Variants in FRMD4B observed in about 807,000 individuals in gnomAD.
FRMD4B encodes FERM domain containing 4B.
A neutral mutation model predicts 141.5 loss-of-function variants in FRMD4B; 74 were observed. That is an observed-to-expected ratio of 0.52 (90% CI 0.43 to 0.63). FRMD4B has a LOEUF of 0.63. Ranked by LOEUF, FRMD4B falls within the 30% of genes least tolerant of loss-of-function variation. The pLI is 0.00. For missense variants in FRMD4B, 1,366 were observed against 1,253.4 expected (o/e 1.09, Z -1.36); for synonymous variants, 506 against 467.9 (o/e 1.08, Z -1.05).
intron 1 of FRMD4B, among the ~76,000 whole-genome samples, chr3:69,364,807 CA>C (rs1247374769): frequency 6.6e-6 from 1 of 151,422 alleles, no homozygotes; most frequent in Non-Finnish European, 1.5e-5. Context: ...GCATCTAAGA[CA>C]AAAAAGAAAA....
At chr3:69,427,120 G>T (rs376056313) in intron 2 of FRMD4B, among the ~76,000 whole-genome samples, 136 of 152,066 alleles carry the variant, frequency 8.9e-4, no homozygotes, top group Middle Eastern at 3.4e-3. Flanking sequence ...GGGGAAAACT[G>T]ACCTCTGGTG....
intron 1 of FRMD4B, among the ~76,000 whole-genome samples, chr3:69,525,955 G>A (rs1029365878): frequency 3.3e-5 from 5 of 151,946 alleles, no homozygotes; most frequent in African/African-American, 4.8e-5. Flanking sequence ...CACCATGCTC[G>A]GCCTGTTTCT....
chr3:69,250,290 C>CGTGTGTGTGTGT lies in FRMD4B; in HGVS notation c.502-203_502-192dup, dbSNP rs10526962. The CGTGTGTGTGTGT allele has an allele frequency of 4.2e-3, 1,738 of 418,682 alleles. 27 individuals are homozygous for CGTGTGTGTGTGT. Among genetic ancestry groups the CGTGTGTGTGTGT allele is most frequent in the Admixed American group, 0.023 (581 of 25,542 alleles). The allele number at this position is 418,682 out of a possible 1,614,324, so 25.9% of individuals were successfully genotyped here. On this transcript the variant is annotated intron_variant, in intron 5 of 22. Coordinates refer to ENST00000398540, the MANE Select transcript of FRMD4B (RefSeq NM_015123.3). ...GGTTAAGGCGAAACCACTGTGTGTG[C>CGTGTGTGTGTGT]GTGTGTGTGTGTGTGTGTGTGTGTG... is the stretch of plus-strand genomic sequence containing the variant.
At chr3:69,294,538 T>G (rs1700978726) in intron 4 of FRMD4B, among the ~76,000 whole-genome samples, 1 of 152,218 alleles carries the variant, frequency 6.6e-6, no homozygotes, top group South Asian at 2.1e-4. Flanking sequence ...CCAGGAATGC[T>G]CTTCCTCATT....
intron 1 of FRMD4B, among the ~76,000 whole-genome samples, chr3:69,363,752 G>A (rs1458574199): frequency 6.6e-6 from 1 of 152,144 alleles, no homozygotes; most frequent in Non-Finnish European, 1.5e-5. Context: ...GACCAGAGCT[G>A]GGTCCTATGT....
chr3:69,214,956 T>C (rs1432518637), intron 11 of FRMD4B, among the ~76,000 whole-genome samples: 4 of 152,028 alleles, frequency 2.6e-5, no homozygotes, highest in African/African-American at 4.8e-5. Flanking sequence ...CTCGGCTCAC[T>C]GCAACCTCTG....
chr3:69,258,865 C>G (rs1462311709), intron 5 of FRMD4B, among the ~76,000 whole-genome samples: 1 of 152,116 alleles, frequency 6.6e-6, no homozygotes, highest in Admixed American at 6.6e-5. Flanking sequence ...AACTCAGCTC[C>G]TCATCTGCAA....
chr3:69,199,812 T>C (rs2092948347), intron 11 of FRMD4B, among the ~76,000 whole-genome samples: 1 of 152,168 alleles, frequency 6.6e-6, no homozygotes, highest in South Asian at 2.1e-4. Flanking sequence ...ACCAAATAAT[T>C]TGATAGAAAG....
chr3:69,245,466 C>A (rs2093417788), intron 7 of FRMD4B, among the ~76,000 whole-genome samples: 1 of 151,914 alleles, frequency 6.6e-6, no homozygotes, highest in African/African-American at 2.4e-5. Flanking sequence ...TGTGTCTCAG[C>A]CTCCTCAGGA....
intron 7 of FRMD4B, among the ~76,000 whole-genome samples, chr3:69,245,834 GTTT>G (rs1183774603): frequency 1.3e-5 from 1 of 78,344 alleles, no homozygotes; most frequent in Non-Finnish European, 2.4e-5. Flanking sequence ...AGGCTAATTT[GTTT>G]TTTTTTTTTT....
intron 1 of FRMD4B, among the ~76,000 whole-genome samples, chr3:69,536,977 G>A (rs998880264): frequency 6.6e-6 from 1 of 152,006 alleles, no homozygotes; most frequent in African/African-American, 2.4e-5. Flanking sequence ...TGAACTCTTG[G>A]GCTCAAGGAA....
chr3:69,288,157 A>T (rs569276406), intron 4 of FRMD4B, among the ~76,000 whole-genome samples: 1 of 152,382 alleles, frequency 6.6e-6, no homozygotes, highest in South Asian at 2.1e-4. Flanking sequence ...CTGGGAGTTC[A>T]TAATACCTCA....
chr3:69,325,950 A>T (rs1462806889), intron 1 of FRMD4B, among the ~76,000 whole-genome samples: 1 of 151,026 alleles, frequency 6.6e-6, no homozygotes, highest in Non-Finnish European at 1.5e-5. Flanking sequence ...TCAAGAAAAA[A>T]GTTTTCCTAG....
intron 1 of FRMD4B, among the ~76,000 whole-genome samples, chr3:69,451,112 A>T (rs1305311213): frequency 6.6e-6 from 1 of 152,194 alleles, no homozygotes; most frequent in Non-Finnish European, 1.5e-5. Context: ...TGCTTCCAGG[A>T]ACCAGCAGGG....
chr3:69,441,369 G>A (rs916901315), intron 1 of FRMD4B, among the ~76,000 whole-genome samples: 14 of 152,092 alleles, frequency 9.2e-5, no homozygotes, highest in Non-Finnish European at 1.0e-4. Context: ...TTGAGGCTGT[G>A]TTTTTTCTGG....
At chr3:69,517,437 GA>G (rs72367063) in intron 1 of FRMD4B, among the ~76,000 whole-genome samples, 37,172 of 151,186 alleles carry the variant, frequency 0.25, 4,847 homozygotes, top group African/African-American at 0.32. Flanking sequence ...ATTGAACAGA[GA>G]AAAAAAAATT....
intron 1 of FRMD4B, among the ~76,000 whole-genome samples, chr3:69,342,970 G>A (rs1702787637): frequency 6.6e-6 from 1 of 152,120 alleles, no homozygotes; most frequent in African/African-American, 2.4e-5. Flanking sequence ...TATTTTTAGA[G>A]ACAGGGTCTC....
rs1184269003 is a variant in FRMD4B, at chr3:69,169,466, T to C, written c.*2395A>G. Among the ~76,000 whole-genome samples, 2 of 146,918 alleles carry C rather than the reference T, an allele frequency of 1.4e-5. No individual in the cohort carries two copies. Among genetic ancestry groups the C allele is most frequent in the Non-Finnish European group, 3.0e-5 (2 of 67,034 alleles). ...TCCGCCTCCTGGGCTCAAGATATCC[T>C]CCCAACTCAGCCTCCCAAGTAGCTG... is the stretch of plus-strand genomic sequence containing the variant. On this transcript the variant is annotated 3_prime_UTR_variant, in exon 23 of 23. Transcript: ENST00000398540.
intron 5 of FRMD4B, among the ~76,000 whole-genome samples, chr3:69,280,549 C>T (rs921602944): frequency 3.3e-5 from 5 of 152,086 alleles, no homozygotes; most frequent in African/African-American, 1.2e-4. Flanking sequence ...CCATGTACAA[C>T]AACGTTCAGA....
Sources: gnomAD v4.1 joint callset for allele counts (sites outside exome capture counted in the v4.1 genomes callset) on GRCh38, gnomAD v4.1.1 for gene constraint, MANE v1.5 for transcripts, NCBI Gene and HGNC (gene_info 2026-07-23, HGNC 2026-07-21) for gene names.